NOX4: variants seen among roughly 807,000 people sequenced by gnomAD.
NOX4 encodes kidney oxidase-1.
A neutral mutation model predicts 87.6 loss-of-function variants in NOX4; 69 were observed. That is an observed-to-expected ratio of 0.79 (90% CI 0.65 to 0.96). NOX4 has a LOEUF of 0.96. Ranked by LOEUF, NOX4 falls within the 40% of genes least tolerant of loss-of-function variation. NOX4 has a pLI of 0.00. For missense variants in NOX4, 680 were observed against 681.5 expected (o/e 1.00, Z 0.02); for synonymous variants, 275 against 238.2 (o/e 1.15, Z -1.42).
At chr11:89,368,949 G>T (rs1475480315) in intron 12 of NOX4, among the ~76,000 whole-genome samples, 1 of 151,930 alleles carries the variant, frequency 6.6e-6, no homozygotes, top group Non-Finnish European at 1.5e-5. Flanking sequence ...TATTTTTATA[G>T]ATATAAAATA....
chr11:89,415,655 C>A (rs1565259677), intron 8 of NOX4, among the ~76,000 whole-genome samples: 1 of 152,030 alleles, frequency 6.6e-6, no homozygotes, highest in Non-Finnish European at 1.5e-5. Flanking sequence ...TCCCTGAATC[C>A]ATTCAATTAG....
chr11:89,568,885 T>G, the NOX4 span, among the ~76,000 whole-genome samples: 1 of 152,130 alleles, frequency 6.6e-6, no homozygotes, highest in Non-Finnish European at 1.5e-5. Flanking sequence ...AAACAACTTT[T>G]GACAAAGTTA....
the NOX4 span, among the ~76,000 whole-genome samples, chr11:89,572,371 A>C: frequency 1.3e-5 from 2 of 152,090 alleles, no homozygotes; most frequent in African/African-American, 4.8e-5. Flanking sequence ...TTTGCTATCG[A>C]CCTCTAGCTC....
chr11:89,396,687 G>C (rs1351303422), intron 11 of NOX4, among the ~76,000 whole-genome samples: 2 of 152,028 alleles, frequency 1.3e-5, no homozygotes, highest in African/African-American at 4.8e-5. Flanking sequence ...TGATAAAACA[G>C]ACTTTAAACC....
chr11:89,342,544 A>G (rs1946050480), intron 13 of NOX4, among the ~76,000 whole-genome samples: 1 of 152,032 alleles, frequency 6.6e-6, no homozygotes, highest in Non-Finnish European at 1.5e-5. Flanking sequence ...ATATGACTAA[A>G]TTAAAGTAAC....
chr11:89,551,098 G>C, the NOX4 span, among the ~76,000 whole-genome samples: 1 of 152,146 alleles, frequency 6.6e-6, no homozygotes, highest in African/African-American at 2.4e-5. Context: ...GGTTGTAGAT[G>C]TGTGGTGTTA....
chr11:89,326,738 G>A lies in NOX4; in HGVS notation c.*18C>T. 6.2e-7 allele frequency: 1 copy of A among 1,610,654 alleles called. No individual in the cohort carries two copies. The highest frequency in any genetic ancestry group is 1.1e-5 in the South Asian group (1 of 90,658). On this transcript the variant is annotated 3_prime_UTR_variant, in exon 18 of 18. Coordinates refer to ENST00000263317, the MANE Select transcript of NOX4 (RefSeq NM_016931.5). ...GCACTCATTCCTTCTTTAGAGTCCT[G>A]CTTCATGGCAAAAGTTTTCAGCTGA...
chr11:89,574,597 T>C, the NOX4 span, among the ~76,000 whole-genome samples: 1 of 152,246 alleles, frequency 6.6e-6, no homozygotes, highest in South Asian at 2.1e-4. Flanking sequence ...AAGTCTATAA[T>C]GACCTTTTAC....
chr11:89,332,539 T>C (rs1945516122), intron 17 of NOX4, among the ~76,000 whole-genome samples: 1 of 151,890 alleles, frequency 6.6e-6, no homozygotes, highest in Admixed American at 6.6e-5. Context: ...ATTTAGAATA[T>C]CTCTATTTCA....
At chr11:89,413,577 A>G (rs1942601087) in intron 8 of NOX4, among the ~76,000 whole-genome samples, 1 of 152,134 alleles carries the variant, frequency 6.6e-6, no homozygotes, top group African/African-American at 2.4e-5. Context: ...AAGGCACAGA[A>G]AGACAAATTT....
Position 89,399,432 on chromosome 11 carries a change from A to AATATATATATAAAT in NOX4, c.1074+584_1074+585insATTTATATATATAT, listed in dbSNP as rs1555014572. Among the ~76,000 whole-genome samples, 32 of 75,646 alleles carry AATATATATATAAAT rather than the reference A, an allele frequency of 4.2e-4. 1 individual carries two copies. The highest frequency in any genetic ancestry group is 1.3e-3 in the African/African-American group (25 of 19,488). 49.6% of individuals were successfully genotyped at this position (75,646 alleles called of 152,430 possible). A position where few individuals can be genotyped will look rare whatever the true frequency, so the allele number is the denominator to read the frequency against. On this transcript the variant is annotated intron_variant, in intron 11 of 17. Coordinates refer to ENST00000263317, the MANE Select transcript of NOX4 (RefSeq NM_016931.5). ...AGAAAAGTAAATATTCAAGAAATTA[A>AATATATATATAAAT]ATATATATATATATATATATATATA...
intron 4 of NOX4, among the ~76,000 whole-genome samples, chr11:89,444,524 TACACACACACAC>T (rs35340897): frequency 2.8e-5 from 4 of 144,958 alleles, no homozygotes; most frequent in Admixed American, 6.9e-5. Context: ...CTAACACACA[TACACACACACAC>T]ACACACACAC....
In NOX4 at chr11:89,400,061, G is replaced by A. The variant is rs753794405; in HGVS notation, c.1030C>T (p.Pro344Ser). Residue 344 changes from proline (P) to serine (S), a missense_variant, in exon 11 of 18, where the codon CCC becomes TCC. Pro to Ser is a moderately conservative substitution (Grantham distance 74). Transcript: ENST00000263317. Reference protein sequence around the residue: ...RPGQYITLHCPSVSALENHPF... With the variant: ...RPGQYITLHCSSVSALENHPF... ...TGATTTTCTAATGCAGATACACTGG[G>A]ACAATGTAGAGTAATATACTAAAAA... 10 of 1,606,334 alleles carry A rather than the reference G, an allele frequency of 6.2e-6. No individual in the cohort carries two copies. In the East Asian group the frequency reaches 2.2e-4, roughly 36 times the overall value.
the NOX4 span, among the ~76,000 whole-genome samples, chr11:89,563,388 TTAC>T: frequency 6.6e-6 from 1 of 152,158 alleles, no homozygotes; most frequent in African/African-American, 2.4e-5. Context: ...TATGCCACTC[TTAC>T]TTCTGGCTTG....
Position 89,491,296 on chromosome 11 carries a change from G to A in NOX4, c.-50C>T. 1 of 1,560,908 alleles carries A rather than the reference G, an allele frequency of 6.4e-7. No homozygotes were observed. Among genetic ancestry groups the A allele is most frequent in the Non-Finnish European group, 8.7e-7 (1 of 1,146,186 alleles). ...TCTGTGCCCGCCGGACCGAGAAGGA[G>A]CGGGCGGCGGCCGGGGCAGCGGTTA... On this transcript the variant is annotated 5_prime_UTR_variant, in exon 1 of 18. Coordinates refer to ENST00000263317, the MANE Select transcript of NOX4 (RefSeq NM_016931.5).
rs145262414 is a variant in NOX4, at chr11:89,366,144, G to A, written c.1135+7288C>T. Among the ~76,000 whole-genome samples, 465 of 152,118 alleles carry A rather than the reference G, an allele frequency of 3.1e-3. 1 individual carries two copies. Among genetic ancestry groups the A allele is most frequent in the African/African-American group, 0.011 (443 of 41,512 alleles). ...TCTTAGCCATTCAGTACATTATGTG[G>A]TGTTTTTGACATTGATTAATAAATT... On this transcript the variant is annotated intron_variant, in intron 12 of 17. Coordinates refer to ENST00000263317, the MANE Select transcript of NOX4 (RefSeq NM_016931.5).
At chr11:89,529,176 GTGTC>G in the NOX4 span, among the ~76,000 whole-genome samples, 2 of 152,156 alleles carry the variant, frequency 1.3e-5, no homozygotes, top group African/African-American at 4.8e-5. Flanking sequence ...AGAAAATTCT[GTGTC>G]TGATGTTGCA....
the NOX4 span, among the ~76,000 whole-genome samples, chr11:89,577,840 A>T: frequency 6.6e-6 from 1 of 152,268 alleles, no homozygotes; most frequent in African/African-American, 2.4e-5. Flanking sequence ...TATAAAAACA[A>T]ATCCAGTAAA....
the NOX4 span, among the ~76,000 whole-genome samples, chr11:89,587,361 T>C: frequency 1.3e-5 from 2 of 152,172 alleles, no homozygotes. Flanking sequence ...GTACTGAATT[T>C]TAAAATGGCG....
Sources: allele counts gnomAD v4.1 joint callset (sites outside exome capture counted in the v4.1 genomes callset), GRCh38; gene constraint gnomAD v4.1.1; transcripts MANE v1.5; gene names NCBI Gene and HGNC (gene_info 2026-07-23, HGNC 2026-07-21).